The following RNLS variants were observed in gnomAD, a reference collection of about 807,000 sequenced individuals.
The protein encoded by RNLS is renalase, FAD dependent amine oxidase.
Under a neutral mutation model 39.8 loss-of-function variants are expected in RNLS, and 39 were observed. The ratio of observed to expected loss-of-function variants is 0.98; its 90% CI spans 0.76 to 1.28. The LOEUF (loss-of-function observed/expected upper bound fraction) is 1.28, where lower values mean the gene tolerates loss of function less well. RNLS is among the 50% of genes most tolerant of loss of function. RNLS has a pLI of 0.00. For synonymous variants in RNLS, 147 were observed against 150.7 expected (o/e 0.98, Z 0.18); for missense variants, 410 against 413.3 (o/e 0.99, Z 0.07).
intron 4 of RNLS, among the ~76,000 whole-genome samples, chr10:88,489,368 A>G (rs1844755872): frequency 1.3e-5 from 2 of 152,290 alleles, no homozygotes; most frequent in South Asian, 4.1e-4. Flanking sequence ...CCTCCAGTAC[A>G]CTGGCTGATT....
At chr10:88,323,859 A>G (rs1385578951) in intron 5 of RNLS, among the ~76,000 whole-genome samples, 1 of 152,182 alleles carries the variant, frequency 6.6e-6, no homozygotes, top group Admixed American at 6.5e-5. Flanking sequence ...AGAATCTATA[A>G]GGAGCTTATA....
At position 88,393,035 on chromosome 10, in the gene RNLS, C is replaced by T. The variant is rs1054190832; in HGVS notation, c.527-30310G>A. Among the ~76,000 whole-genome samples, 20 of 152,250 alleles carry T rather than the reference C, an allele frequency of 1.3e-4. 1 individual carries two copies. Among genetic ancestry groups the T allele is most frequent in the South Asian group, 2.1e-4 (1 of 4,828 alleles). On this transcript the variant is annotated intron_variant, in intron 4 of 6. Coordinates refer to ENST00000331772, the MANE Select transcript of RNLS (RefSeq NM_001031709.3). Reference sequence around the variant, plus strand: ...CTCAATAAATTAGGTATTGATGGAACGTATCTCAAAATAATAAGAGCTATT... The same window carrying T: ...CTCAATAAATTAGGTATTGATGGAATGTATCTCAAAATAATAAGAGCTATT...
chr10:88,394,026 T>G (rs1048856481), intron 4 of RNLS, among the ~76,000 whole-genome samples: 1 of 152,148 alleles, frequency 6.6e-6, no homozygotes, highest in Non-Finnish European at 1.5e-5. Flanking sequence ...TCCTTACACC[T>G]TATACAAAAA....
intron 4 of RNLS, among the ~76,000 whole-genome samples, chr10:88,517,792 C>T (rs1309180651): frequency 6.6e-6 from 1 of 151,818 alleles, no homozygotes; most frequent in Non-Finnish European, 1.5e-5. Flanking sequence ...AAATATTTTT[C>T]CACCTAACCA....
the RNLS span, among the ~76,000 whole-genome samples, chr10:88,173,549 A>G: frequency 1.3e-5 from 2 of 152,276 alleles, no homozygotes; most frequent in African/African-American, 4.8e-5. Context: ...TAAGGATTGC[A>G]TTGAATTTGT....
intron 4 of RNLS, among the ~76,000 whole-genome samples, chr10:88,460,734 A>G (rs1842897445): frequency 6.6e-6 from 1 of 152,196 alleles, no homozygotes; most frequent in Admixed American, 6.5e-5. Context: ...TAAATAAATG[A>G]AAGTTCCCTT....
the RNLS span, among the ~76,000 whole-genome samples, chr10:88,217,955 G>T: frequency 6.6e-6 from 1 of 152,034 alleles, no homozygotes; most frequent in South Asian, 2.1e-4. Flanking sequence ...TGAGAGAATC[G>T]CTTGAACCCA....
the RNLS span, among the ~76,000 whole-genome samples, chr10:88,244,616 T>A: frequency 6.6e-6 from 1 of 152,070 alleles, no homozygotes; most frequent in Non-Finnish European, 1.5e-5. Flanking sequence ...GTATAAACCC[T>A]GCTGTATCAT....
chr10:88,487,262 G>A (rs1844584855), intron 4 of RNLS, among the ~76,000 whole-genome samples: 1 of 152,118 alleles, frequency 6.6e-6, no homozygotes, highest in East Asian at 1.9e-4. Flanking sequence ...ACTAGGCTTA[G>A]TGCCTGGATG....
At chr10:88,365,242 C>T (rs1320754903) in intron 4 of RNLS, among the ~76,000 whole-genome samples, 1 of 143,632 alleles carries the variant, frequency 7.0e-6, no homozygotes, top group Admixed American at 6.9e-5. Context: ...AAAACTTTGT[C>T]TTCAGAGGCT....
At chr10:88,532,030 C>A (rs1847456433) in intron 4 of RNLS, among the ~76,000 whole-genome samples, 2 of 152,094 alleles carry the variant, frequency 1.3e-5, no homozygotes, top group South Asian at 4.1e-4. Flanking sequence ...GGAGTATCAG[C>A]TCAAGTCTTA....
At chr10:88,363,057 C>T (rs879331904) in intron 4 of RNLS, among the ~76,000 whole-genome samples, 1 of 152,116 alleles carries the variant, frequency 6.6e-6, no homozygotes, top group Non-Finnish European at 1.5e-5. Context: ...TACACTGACC[C>T]CTTACTACAA....
At chr10:88,305,870 T>G (rs1275968448) in intron 6 of RNLS, among the ~76,000 whole-genome samples, 1 of 152,150 alleles carries the variant, frequency 6.6e-6, no homozygotes, top group Non-Finnish European at 1.5e-5. Context: ...AACAACAGAC[T>G]ATACATTCTT....
chr10:88,222,786 G>A, the RNLS span, among the ~76,000 whole-genome samples: 1 of 152,212 alleles, frequency 6.6e-6, no homozygotes, highest in Admixed American at 6.5e-5. Context: ...GAATTGAACA[G>A]GGCAGAGTTA....
At chr10:88,228,543 G>T in the RNLS span, among the ~76,000 whole-genome samples, 1 of 152,268 alleles carries the variant, frequency 6.6e-6, no homozygotes, top group Non-Finnish European at 1.5e-5. Context: ...ACCAGATATT[G>T]GTGAATACAG....
chr10:88,581,509 T>C (rs1590061009), intron 3 of RNLS, 58 bp downstream of exon 3: 1 of 1,455,476 alleles, frequency 6.9e-7, no homozygotes, highest in Admixed American at 2.0e-5. Context: ...TAACTATGTG[T>C]GTAACTTGTT....
intron 4 of RNLS, among the ~76,000 whole-genome samples, chr10:88,564,760 G>A (rs537188848): frequency 6.6e-6 from 1 of 152,138 alleles, no homozygotes; most frequent in Non-Finnish European, 1.5e-5. Flanking sequence ...TAAATCATAA[G>A]AGGGTCACAA....
chr10:88,395,426 A>G (rs1045602591), intron 4 of RNLS, among the ~76,000 whole-genome samples: 2 of 152,042 alleles, frequency 1.3e-5, no homozygotes, highest in Admixed American at 1.3e-4. Flanking sequence ...AGAGCAAAAC[A>G]GAAATTCTGG....
intron 4 of RNLS, among the ~76,000 whole-genome samples, chr10:88,373,670 T>C (rs1382378010): frequency 6.6e-6 from 1 of 152,150 alleles, no homozygotes. Flanking sequence ...ATTTTATTAA[T>C]GTACTGGTGT....
Sources: allele counts gnomAD v4.1 joint callset (sites outside exome capture counted in the v4.1 genomes callset), GRCh38; gene constraint gnomAD v4.1.1; transcripts MANE v1.5; gene names NCBI Gene and HGNC (gene_info 2026-07-23, HGNC 2026-07-21).